Variants in TNK2 observed in about 807,000 individuals in gnomAD.
The protein encoded by TNK2 is activated CDC42 kinase 1.
TNK2 carries 83 observed loss-of-function variants against 101.8 expected under a neutral mutation model. The ratio of observed to expected loss-of-function variants is 0.82; its 90% confidence interval spans 0.68 to 0.98. The LOEUF (loss-of-function observed/expected upper bound fraction) is 0.98. Among genes scored for constraint, TNK2 ranks in the 50% least tolerant of loss-of-function variants. TNK2 has a pLI of 0.00. For missense variants in TNK2, 1,665 were observed against 1,483.2 expected (o/e 1.12, Z -2.01); for synonymous variants, 804 against 633.0 (o/e 1.27, Z -4.06).
intron 9 of TNK2, among the ~76,000 whole-genome samples, chr3:195,874,031 C>T (rs1328105777): frequency 6.6e-6 from 1 of 152,154 alleles, no homozygotes; most frequent in Non-Finnish European, 1.5e-5. Flanking sequence ...GAGCAGAGCC[C>T]CGGCTCCCCA....
At chr3:195,900,164 G>C (rs898158319) in intron 1 of TNK2, among the ~76,000 whole-genome samples, 2 of 152,106 alleles carry the variant, frequency 1.3e-5, no homozygotes, top group Non-Finnish European at 2.9e-5. Flanking sequence ...CTTCTCATCG[G>C]ACTGCGAAGG....
At chr3:195,880,381 G>A (rs1235986689) in intron 6 of TNK2, among the ~76,000 whole-genome samples, 1 of 137,822 alleles carries the variant, frequency 7.3e-6, no homozygotes, top group African/African-American at 2.7e-5. Context: ...ATGCCCCTTG[G>A]AGAGGACACA....
At chr3:195,898,541 C>A (rs1448970274) in intron 1 of TNK2, among the ~76,000 whole-genome samples, 2 of 152,226 alleles carry the variant, frequency 1.3e-5, no homozygotes, top group Non-Finnish European at 2.9e-5. Flanking sequence ...TTCCCCACCT[C>A]TCTCTCTTAG....
chr3:195,874,519 C>T (rs1355234214), intron 9 of TNK2, among the ~76,000 whole-genome samples: 5 of 149,728 alleles, frequency 3.3e-5, no homozygotes, highest in Non-Finnish European at 7.4e-5. Flanking sequence ...ACGCACACTC[C>T]GAGGCACAAG....
chr3:195,881,831 G>A (rs1753268102), intron 6 of TNK2, among the ~76,000 whole-genome samples: 1 of 152,008 alleles, frequency 6.6e-6, no homozygotes, highest in African/African-American at 2.4e-5. Flanking sequence ...CCCACAGCAT[G>A]TATCCCTGTG....
chr3:195,867,733 A>C lies in TNK2; in HGVS notation c.2565T>G (p.Ala855=). ...PQVIQAPGPR[A]GPCILPIVRD... ...GGACGATGGGCAGGATGCAGGGACC[A>C]GCCCGCGGGCCAGGGGCCTGGATCA... Residue 855 remains alanine, a synonymous_variant, in exon 13 of 16, where the codon GCT becomes GCG. Coordinates refer to ENST00000672887, the MANE Select transcript of TNK2 (RefSeq NM_001382273.1). 5 of 1,603,130 alleles carry C rather than the reference A, an allele frequency of 3.1e-6. No homozygotes were observed. Among genetic ancestry groups the C allele is most frequent in the Non-Finnish European group, 3.4e-6 (4 of 1,175,876 alleles).
At position 195,867,193 on chromosome 3, in the gene TNK2, C is replaced by T. The variant is rs1324879308; in HGVS notation, c.3009G>A (p.Val1003=). Reference sequence around the variant, plus strand: ...CCTTCAGATACTGGGCAGCCCTCTGCACGCTCCAGCCGTGGCACTGCAGGG... The same window carrying T: ...CCTTCAGATACTGGGCAGCCCTCTGTACGCTCCAGCCGTGGCACTGCAGGG... ...QAALQCHGWS[V]QRAAQYLKVE... The change falls in exon 14 of 16, where the codon GTG becomes GTA. Residue 1003 remains valine, a synonymous_variant. Transcript: ENST00000672887. 6.2e-7 allele frequency: 1 copy of T among 1,613,014 alleles called. No individual in the cohort carries two copies. The highest frequency in any genetic ancestry group is 2.2e-5 in the East Asian group (1 of 44,874).
chr3:195,891,134 C>T (rs980471821), intron 1 of TNK2, among the ~76,000 whole-genome samples: 1 of 152,202 alleles, frequency 6.6e-6, no homozygotes, highest in African/African-American at 2.4e-5. Context: ...AAAATAACAT[C>T]TAGGCCAAGC....
intron 9 of TNK2, among the ~76,000 whole-genome samples, chr3:195,876,102 G>A (rs945983073): frequency 1.3e-5 from 2 of 152,174 alleles, no homozygotes; most frequent in African/African-American, 4.8e-5. Context: ...CCAAGGACCC[G>A]CAATGGATTC....
At chr3:195,892,261 AG>A (rs1251265023) in intron 1 of TNK2, 7 of 789,974 alleles carry the variant, frequency 8.9e-6, no homozygotes, top group Non-Finnish European at 1.2e-5. Context: ...CAGCAGCCGC[AG>A]GAGAGGCCAC....
chr3:195,892,574 C>T (rs1286965359), intron 1 of TNK2: 4 of 1,482,050 alleles, frequency 2.7e-6, no homozygotes, highest in Non-Finnish European at 2.7e-6. Flanking sequence ...AGGAGCCCCC[C>T]AAATCCCACA....
At chr3:195,873,147 G>C (rs942947646) in intron 9 of TNK2, among the ~76,000 whole-genome samples, 2 of 152,178 alleles carry the variant, frequency 1.3e-5, no homozygotes, top group Non-Finnish European at 2.9e-5. Context: ...CCTCAGGAGG[G>C]GCTCTACCTG....
In TNK2 at chr3:195,886,950, C is replaced by T. The variant is rs1232440959; in HGVS notation, c.234+27G>A. On this transcript the variant is annotated intron_variant, in intron 3 of 15. Coordinates refer to ENST00000672887, the MANE Select transcript of TNK2 (RefSeq NM_001382273.1). This position sits in a 1 kb window ranked among gnomAD's most constrained non-coding sequence, Gnocchi z 4.2. ...GGGGCGTTCGAGGCTGCCCCCCTCC[C>T]ACCTCCTCACCCACCTCCTCACCCA... 2 of 1,611,488 alleles carry T rather than the reference C, an allele frequency of 1.2e-6. No homozygotes were observed. Among genetic ancestry groups the T allele is most frequent in the Non-Finnish European group, 1.7e-6 (2 of 1,177,902 alleles).
intron 9 of TNK2, among the ~76,000 whole-genome samples, chr3:195,877,245 C>G (rs1749921731): frequency 6.6e-6 from 1 of 152,178 alleles, no homozygotes; most frequent in Non-Finnish European, 1.5e-5. Context: ...ACCACAGGCC[C>G]TGCAGTCTCA....
chr3:195,893,254 C>G (rs1759318050), intron 1 of TNK2, among the ~76,000 whole-genome samples: 1 of 151,698 alleles, frequency 6.6e-6, no homozygotes, highest in Admixed American at 6.6e-5. Context: ...GCCCTGTTAC[C>G]CTGGTGCCCG....
chr3:195,867,527 A>G lies in TNK2; in HGVS notation c.2771T>C (p.Val924Ala), dbSNP rs865814449. ...CAAGGCAGCCTGGGGCATCGGCCGC[A>G]CGGTGGCCGTGGGGGCGGCGGGGGC... is the stretch of plus-strand genomic sequence containing the variant. Reference protein sequence around the residue: ...TPAPAAPTATVRPMPQAALDP... With the variant: ...TPAPAAPTATARPMPQAALDP... The change falls in exon 13 of 16, where the codon GTG becomes GCG. Residue 924 changes from valine (V) to alanine (A), a missense_variant. Physicochemically the swap from Val to Ala is moderately conservative, Grantham distance 64. Around this residue, in one of 3 missense-constraint regions of TNK2, gnomAD observed 1,136 missense variants for 894.9 expected, o/e 1.27. Coordinates refer to ENST00000672887, the MANE Select transcript of TNK2 (RefSeq NM_001382273.1). The G allele has an allele frequency of 6.6e-7, 1 of 1,519,532 alleles. No homozygotes were observed. The highest frequency in any genetic ancestry group is 8.8e-7 in the Non-Finnish European group (1 of 1,139,444). The allele number at this position is 1,519,532 out of a possible 1,614,324, so 94.1% of individuals were successfully genotyped here.
chr3:195,868,339 C>T lies in TNK2; in HGVS notation c.1959G>A (p.Val653=). Residue 653 remains valine, a synonymous_variant, in exon 13 of 16, where the codon GTG becomes GTA. Transcript: ENST00000672887. The part of the protein sequence containing the change: ...PLPPPPAYDD[V]AQDEDDFEIC... ...TCTCAAAGTCATCCTCATCCTGGGCCACGTCGTCATAGGCGGGCGGGGGGG... is the reference window on the plus strand; with the variant it reads ...TCTCAAAGTCATCCTCATCCTGGGCTACGTCGTCATAGGCGGGCGGGGGGG... The T allele has an allele frequency of 6.2e-7, 1 of 1,601,962 alleles. No individual in the cohort carries two copies. Among genetic ancestry groups the T allele is most frequent in the Non-Finnish European group, 8.5e-7 (1 of 1,178,946 alleles).
At chr3:195,867,080 G>T in intron 14 of TNK2, 64 bp from the exon 15 acceptor site, 1 of 1,608,210 alleles carries the variant, frequency 6.2e-7, no homozygotes, top group South Asian at 1.1e-5. Context: ...GGGGAAGAGG[G>T]GAGTCGGAGC....
At chr3:195,881,688 AC>A (rs1205257902) in intron 6 of TNK2, among the ~76,000 whole-genome samples, 2 of 71,418 alleles carry the variant, frequency 2.8e-5, no homozygotes, top group African/African-American at 5.9e-5. Flanking sequence ...TCCCTATAAC[AC>A]CCCCCCGCCA....
Sources: gnomAD v4.1 joint callset for allele counts (sites outside exome capture counted in the v4.1 genomes callset) on GRCh38, gnomAD v4.1.1 for gene constraint, gnomAD v4.1.1 regional missense constraint, Gnocchi (gnomAD v3.1) non-coding constraint, MANE v1.5 for transcripts, NCBI Gene and HGNC (gene_info 2026-07-23, HGNC 2026-07-21) for gene names.